Variants in ZNF425 observed in about 807,000 individuals in gnomAD.
The protein encoded by ZNF425 is zinc finger protein 425.
ZNF425 carries 21 observed loss-of-function variants against 17.0 expected under a neutral mutation model. The observed-to-expected ratio is 1.23, with a 90% confidence interval of 0.88 to 1.78. The LOEUF is 1.78. Ranked by LOEUF, ZNF425 falls within the 40% of genes most tolerant of loss-of-function variation. The pLI is 0.00. For missense variants in ZNF425, 868 were observed against 967.3 expected, an observed-to-expected ratio of 0.90 and a Z score of 1.36; for synonymous variants, 433 against 384.1, an observed-to-expected ratio of 1.13 and a Z score of -1.49.
chr7:149,126,097 A>AGGCCCC (rs1246604975), intron 1 of ZNF425, 99 bp downstream of exon 1: 6 of 1,587,806 alleles, frequency 3.8e-6, no homozygotes, highest in Non-Finnish European at 4.3e-6. Flanking sequence ...CCCCAGGCCC[A>AGGCCCC]GGCCCCGGCC....
Position 149,102,845 on chromosome 7 carries a change from C to G in ZNF425, c.*767G>C, listed in dbSNP as rs574628168. On this transcript the variant is annotated 3_prime_UTR_variant, in exon 4 of 4. Transcript: ENST00000378061. ...AGCAATATGGAAACATTCCAAGAAA[C>G]AGAAGCCCTCTCACCATCTGAGAGA... 6.6e-6 allele frequency: 1 copy of G among 152,300 alleles called. No individual in the cohort carries two copies. The highest frequency in any genetic ancestry group is 2.1e-4 in the South Asian group (1 of 4,834). The allele number at this position is 152,300 out of a possible 1,614,324, so 9.4% of individuals were successfully genotyped here.
chr7:149,117,126 C>T lies in ZNF425; in HGVS notation c.145+1096G>A, dbSNP rs146651116. Among the ~76,000 whole-genome samples the T allele has an allele frequency of 1.5e-4, 23 of 151,806 alleles. 1 individual carries two copies. The East Asian group carries it at 3.9e-3, about 26-fold the overall frequency. On this transcript the variant is annotated intron_variant, in intron 2 of 3. Coordinates refer to ENST00000378061, the MANE Select transcript of ZNF425 (RefSeq NM_001001661.3). ...AAATGCAAAAAAAAATTAGCCAGCGCGGTGGCGGGCACCTGTAGTCTCAGC... is the reference window on the plus strand; with the variant it reads ...AAATGCAAAAAAAAATTAGCCAGCGTGGTGGCGGGCACCTGTAGTCTCAGC...
At chr7:149,117,179 A>G (rs1826279088) in intron 2 of ZNF425, among the ~76,000 whole-genome samples, 1 of 151,646 alleles carries the variant, frequency 6.6e-6, no homozygotes, top group African/African-American at 2.4e-5. Flanking sequence ...CAGGAGAATC[A>G]CTTGAACCCA....
chr7:149,103,363 A>G lies in ZNF425; in HGVS notation c.*249T>C. Reference sequence around the variant, plus strand: ...TCCCAAAGTAGCTGGGACCACAAGCATGCACCACAACGCCTGGCTGACTTT... The same window carrying G: ...TCCCAAAGTAGCTGGGACCACAAGCGTGCACCACAACGCCTGGCTGACTTT... On this transcript the variant is annotated 3_prime_UTR_variant, in exon 4 of 4. Coordinates refer to ENST00000378061, the MANE Select transcript of ZNF425 (RefSeq NM_001001661.3). The G allele has an allele frequency of 4.3e-6, 2 of 460,482 alleles. No individual in the cohort carries two copies. The allele number at this position is 460,482 out of a possible 1,614,324, so 28.5% of individuals were successfully genotyped here.
At chr7:149,118,201 T>G (rs1286078043) in intron 2 of ZNF425, 21 bp downstream of exon 2, 5 of 1,613,786 alleles carry the variant, frequency 3.1e-6, no homozygotes, top group East Asian at 2.2e-5. Context: ...TAAAAAGTGA[T>G]TCCTTAGAAG....
At chr7:149,118,805 C>G (rs1463502433) in intron 1 of ZNF425, 1 of 180,822 alleles carries the variant, frequency 5.5e-6, no homozygotes, top group Admixed American at 5.7e-5. Context: ...ACAGAGTGAG[C>G]CTCTGTCTCA....
At chr7:149,118,051 T>C (rs1476647854) in intron 2 of ZNF425, among the ~76,000 whole-genome samples, 171 bp downstream of exon 2, 1 of 152,018 alleles carries the variant, frequency 6.6e-6, no homozygotes, top group Admixed American at 6.6e-5. Context: ...AAGATACCAC[T>C]GGATAAAAAG....
chr7:149,114,518 C>T (rs1162773800), intron 2 of ZNF425, among the ~76,000 whole-genome samples: 3 of 151,892 alleles, frequency 2.0e-5, no homozygotes, highest in African/African-American at 7.2e-5. Context: ...CTGCCTCAGC[C>T]TCCTGAGTTG....
intron 1 of ZNF425, among the ~76,000 whole-genome samples, chr7:149,119,876 T>A (rs1314558996): frequency 1.3e-5 from 2 of 152,188 alleles, no homozygotes; most frequent in Non-Finnish European, 2.9e-5. Context: ...TTATAAGTAA[T>A]TGAGACATGA....
At chr7:149,117,498 C>T (rs77662266) in intron 2 of ZNF425, among the ~76,000 whole-genome samples, 6,819 of 151,978 alleles carry the variant, frequency 0.045, 518 homozygotes, top group African/African-American at 0.16. Context: ...CACTCTGTCC[C>T]CTTCATGAAA....
intron 3 of ZNF425, among the ~76,000 whole-genome samples, chr7:149,107,344 TA>T (rs66662934): frequency 0.045 from 6,130 of 135,550 alleles, 163 homozygotes; most frequent in African/African-American, 0.091. Flanking sequence ...TTTATTTATT[TA>T]TTTTTTTTCT....
intron 1 of ZNF425, among the ~76,000 whole-genome samples, chr7:149,121,668 G>A (rs1174605546): frequency 6.6e-6 from 1 of 152,146 alleles, no homozygotes; most frequent in African/African-American, 2.4e-5. Flanking sequence ...GGGATTACAG[G>A]CCTGAGCCAT....
rs1338440719 is a variant in ZNF425, at chr7:149,105,393, T to A, written c.478A>T (p.Ile160Phe). Residue 160 changes from isoleucine (I) to phenylalanine (F), a missense_variant, in exon 4 of 4, where the codon ATC (isoleucine) becomes TTC (phenylalanine). By Grantham distance (21) the Ile-to-Phe change is conservative (BLOSUM62 0). Coordinates refer to ENST00000378061, the MANE Select transcript of ZNF425 (RefSeq NM_001001661.3). ...ETEILNKKVS[I>F]TAYDPDKKDL... ...TTCTTGTCTGGATCATATGCTGTGA[T>A]GCTGACTTTTTTATTTAGAATCTCT... 6.3e-7 allele frequency: 1 copy of A among 1,585,802 alleles called. No homozygotes were observed. Among genetic ancestry groups the A allele is most frequent in the South Asian group, 1.2e-5 (1 of 86,176 alleles).
chr7:149,111,590 T>TAAAA (rs60783786), intron 3 of ZNF425, among the ~76,000 whole-genome samples: 19 of 54,388 alleles, frequency 3.5e-4, no homozygotes, highest in South Asian at 1.0e-3. Flanking sequence ...AGACTCTGTC[T>TAAAA]AAAAAAAAAA....
chr7:149,122,765 G>A (rs552346300), intron 1 of ZNF425, among the ~76,000 whole-genome samples: 9 of 151,534 alleles, frequency 5.9e-5, no homozygotes, highest in Non-Finnish European at 1.2e-4. Flanking sequence ...GCGCAATCTC[G>A]GCTCACTACA....
At chr7:149,122,991 C>T (rs894115989) in intron 1 of ZNF425, among the ~76,000 whole-genome samples, 2 of 152,140 alleles carry the variant, frequency 1.3e-5, no homozygotes, top group African/African-American at 2.4e-5. Flanking sequence ...CTACCACACC[C>T]GGCCTGGGAT....
At chr7:149,119,110 GAT>G (rs1491541203) in intron 1 of ZNF425, among the ~76,000 whole-genome samples, 3 of 125,190 alleles carry the variant, frequency 2.4e-5, no homozygotes, top group Admixed American at 1.0e-4. Context: ...AACCAGCCTA[GAT>G]TTTTTTTTTT....
chr7:149,115,877 G>C (rs1478461371), intron 2 of ZNF425, among the ~76,000 whole-genome samples: 1 of 152,184 alleles, frequency 6.6e-6, no homozygotes, highest in Non-Finnish European at 1.5e-5. Context: ...GAAAAATGTA[G>C]ATCCCTGGGC....
chr7:149,106,525 C>T (rs1826084227), intron 3 of ZNF425, among the ~76,000 whole-genome samples: 1 of 152,144 alleles, frequency 6.6e-6, no homozygotes, highest in Non-Finnish European at 1.5e-5. Flanking sequence ...CATGAGCCAC[C>T]GTGCCTAGCC....
Sources: allele counts gnomAD v4.1 joint callset (sites outside exome capture counted in the v4.1 genomes callset), GRCh38; gene constraint gnomAD v4.1.1; transcripts MANE v1.5; gene names NCBI Gene and HGNC (gene_info 2026-07-23, HGNC 2026-07-21).